Variants in AK6 observed in about 807,000 individuals in gnomAD.
AK6 encodes adenylate kinase 6.
AK6 carries 24 observed loss-of-function variants against 23.7 expected under a neutral mutation model. That is an observed-to-expected ratio of 1.01 (90% CI 0.73 to 1.43). The LOEUF is 1.43. AK6 is among the 40% of genes most tolerant of loss of function. AK6 has a pLI of 0.00. For synonymous variants in AK6, 73 were observed against 69.8 expected, an observed-to-expected ratio of 1.05 and a Z score of -0.23; for missense variants, 191 against 199.1, an observed-to-expected ratio of 0.96 and a Z score of 0.24.
At chr5:69,361,089 A>C (rs899331517) in intron 2 of AK6, among the ~76,000 whole-genome samples, 10 of 152,352 alleles carry the variant, frequency 6.6e-5, no homozygotes, top group African/African-American at 2.4e-4. Context: ...AAGGGTATCA[A>C]GTGAGGAGGA....
At chr5:69,356,346 C>T (rs1762083344) in intron 2 of AK6, among the ~76,000 whole-genome samples, 1 of 152,048 alleles carries the variant, frequency 6.6e-6, no homozygotes, top group Non-Finnish European at 1.5e-5. Flanking sequence ...CATTTAAAAG[C>T]AGATTAATTT....
rs11542581 is a variant in AK6 at position 69,365,604 on chromosome 5, C to T, written c.121+899G>A. ...ATCATCTAGAATTGTGGTCACATAT[C>T]GGAAGGCAAACTCCAACATCTGATT... On this transcript the variant is annotated intron_variant, in intron 2 of 4. Coordinates refer to ENST00000380822, the MANE Select transcript of AK6 (RefSeq NM_016283.5). The T allele has an allele frequency of 3.7e-6, 6 of 1,613,926 alleles. No individual in the cohort carries two copies. In the African/African-American group the frequency reaches 8.0e-5, roughly 22 times the overall value.
chr5:69,369,259 A>C (rs1405921203), intron 1 of AK6: 10 of 53,304 alleles, frequency 1.9e-4, no homozygotes, highest in East Asian at 1.0e-3. Flanking sequence ...GCCTCAGGCC[A>C]ACGGAATTAA....
At chr5:69,364,262 CA>C (rs1437251060) in intron 2 of AK6, among the ~76,000 whole-genome samples, 2 of 150,990 alleles carry the variant, frequency 1.3e-5, no homozygotes, top group Non-Finnish European at 2.9e-5. Context: ...AGCCCTGGAT[CA>C]AAAATGAACA....
At chr5:69,367,127 C>A (rs780689991) in intron 1 of AK6, among the ~76,000 whole-genome samples, 1 of 152,100 alleles carries the variant, frequency 6.6e-6, no homozygotes, top group Non-Finnish European at 1.5e-5. Flanking sequence ...CAGAATATTA[C>A]CCAGTGTATT....
rs1762082264 is a variant in AK6 at position 69,356,293 on chromosome 5, C to A, written c.122-340G>T. ...CTATTTTTGTTGAACTACAGATTGG[C>A]GGGAAGAGGAAACACCTGAACAGAT... On this transcript the variant is annotated intron_variant, in intron 2 of 4. Coordinates refer to ENST00000380822, the MANE Select transcript of AK6 (RefSeq NM_016283.5). Among the ~76,000 whole-genome samples, 9 of 152,130 alleles carry A rather than the reference C, an allele frequency of 5.9e-5. No homozygotes were observed. The South Asian group carries it at 1.9e-3, about 32-fold the overall frequency.
intron 2 of AK6, among the ~76,000 whole-genome samples, chr5:69,360,574 G>A (rs553096512): frequency 1.3e-5 from 2 of 152,242 alleles, no homozygotes; most frequent in South Asian, 2.1e-4. Flanking sequence ...GAATGAGTGA[G>A]ATTACTAGTG....
At chr5:69,365,335 T>C in intron 2 of AK6, 3 of 1,614,210 alleles carry the variant, frequency 1.9e-6, no homozygotes, top group Non-Finnish European at 2.5e-6. Context: ...GTTGATGCCT[T>C]TTTCTGTAAA....
intron 2 of AK6, among the ~76,000 whole-genome samples, chr5:69,358,169 T>C (rs1762130612): frequency 6.6e-6 from 1 of 152,212 alleles, no homozygotes; most frequent in South Asian, 2.1e-4. Context: ...TTCTGTACTA[T>C]GTGGTAATCT....
At chr5:69,363,193 A>T (rs932598456) in intron 2 of AK6, among the ~76,000 whole-genome samples, 4 of 152,018 alleles carry the variant, frequency 2.6e-5, no homozygotes, top group African/African-American at 9.7e-5. Context: ...AGGCCACCAC[A>T]CTCCAGCCTG....
intron 1 of AK6, chr5:69,369,191 C>T (rs1253306302): frequency 1.4e-5 from 7 of 498,106 alleles, no homozygotes; most frequent in Non-Finnish European, 2.1e-5. Context: ...AAGCAGGTTG[C>T]CAAGCTGGAG....
chr5:69,352,870 T>C (rs1043506915), intron 4 of AK6, among the ~76,000 whole-genome samples: 1 of 152,126 alleles, frequency 6.6e-6, no homozygotes, highest in Non-Finnish European at 1.5e-5. Flanking sequence ...AAAGTTTCCA[T>C]ATTACCCAGC....
Position 69,351,968 on chromosome 5 carries a change from G to A in AK6, c.*93C>T, listed in dbSNP as rs1409993827. 3 of 1,120,632 alleles carry A rather than the reference G, an allele frequency of 2.7e-6. No homozygotes were observed. The highest frequency in any genetic ancestry group is 3.8e-6 in the Non-Finnish European group (3 of 798,516). 69.4% of individuals were successfully genotyped at this position (1,120,632 alleles called of 1,614,324 possible). On this transcript the variant is annotated 3_prime_UTR_variant, in exon 5 of 5. Transcript: ENST00000380822. ...TATCCACCTGCTGGTTCTGCAACAT[G>A]ATTTTAATAAAGTGTTACTGACACT...
intron 2 of AK6, among the ~76,000 whole-genome samples, chr5:69,363,816 G>T (rs1402882267): frequency 1.3e-5 from 2 of 151,880 alleles, no homozygotes; most frequent in Admixed American, 1.3e-4. Flanking sequence ...GGCCAGGTGA[G>T]GTAGCTCACA....
chr5:69,355,651 T>G lies in AK6; in HGVS notation c.324A>C (p.Thr108=). The G allele has an allele frequency of 1.3e-6, 2 of 1,592,070 alleles. No individual in the cohort carries two copies. Among genetic ancestry groups the G allele is most frequent in the Non-Finnish European group, 8.5e-7 (1 of 1,172,912 alleles). Residue 108 remains threonine (T), a splice_region_variant and synonymous_variant, in exon 4 of 5, where the codon ACA becomes ACC. Transcript: ENST00000380822. ...DTNVLYERLE[T]RGYNEKKLTD... is the part of the protein sequence containing the mutation. Reference sequence around the variant, plus strand: ...ATCTAATGTTTTTCCTTTCTTACCTTGTTTCAAGTCTTTCGTACAATACAT... The same window carrying G: ...ATCTAATGTTTTTCCTTTCTTACCTGGTTTCAAGTCTTTCGTACAATACAT...
At chr5:69,365,065 G>C in intron 2 of AK6, 1 of 1,614,164 alleles carries the variant, frequency 6.2e-7, no homozygotes, top group Non-Finnish European at 8.5e-7. Flanking sequence ...GTGGTAATAA[G>C]AATGTTTTTG....
intron 2 of AK6, among the ~76,000 whole-genome samples, chr5:69,359,740 C>T (rs182832885): frequency 1.3e-5 from 2 of 152,246 alleles, no homozygotes; most frequent in Non-Finnish European, 2.9e-5. Context: ...TTTTTATTTT[C>T]ATATTTCTTC....
Position 69,355,793 on chromosome 5 carries a change from A to G in AK6, c.182T>C (p.Val61Ala). The change falls in exon 4 of 5, where the codon GTA becomes GCA. Residue 61 changes from valine (V) to alanine (A), a missense_variant and splice_region_variant. Coordinates refer to ENST00000380822, the MANE Select transcript of AK6 (RefSeq NM_016283.5). ...CATTTGGTTATCTAACTCATCAACTACCTGTAAGAAAAGTTTAAAAAAAAA... is the reference window on the plus strand; with the variant it reads ...CATTTGGTTATCTAACTCATCAACTGCCTGTAAGAAAAGTTTAAAAAAAAA... Reference protein sequence around the residue: ...YDCPILDEDRVVDELDNQMRE... With the variant: ...YDCPILDEDRAVDELDNQMRE... The G allele has an allele frequency of 6.3e-7, 1 of 1,599,332 alleles. No homozygotes were observed.
rs562855022 is a variant in AK6, at chr5:69,369,482, A to T, written c.9T>A (p.Leu3=). ...CCTGACCGGTGAGCAGGATGTTCGG[A>T]AGCAACATGGTCCCCGCCGCGACGG... ML[L]PNILLTGTPG... The change falls in exon 1 of 5, where the codon CTT becomes CTA. Residue 3 remains leucine (L), a synonymous_variant. Transcript: ENST00000380822. The T allele has an allele frequency of 6.2e-7, 1 of 1,611,184 alleles. No homozygotes were observed. Among genetic ancestry groups the T allele is most frequent in the Non-Finnish European group, 8.5e-7 (1 of 1,179,268 alleles).
Sources: allele counts gnomAD v4.1 joint callset (sites outside exome capture counted in the v4.1 genomes callset), GRCh38; gene constraint gnomAD v4.1.1; transcripts MANE v1.5; gene names NCBI Gene and HGNC (gene_info 2026-07-23, HGNC 2026-07-21).